The following FGD6 variants were observed in gnomAD, a reference collection of about 807,000 sequenced individuals.
The protein encoded by FGD6 is FYVE, RhoGEF and PH domain-containing protein 6.
Under a neutral mutation model 149.4 loss-of-function variants are expected in FGD6, and 90 were observed. The ratio of observed to expected loss-of-function variants is 0.60; its 90% CI spans 0.51 to 0.72. The LOEUF is 0.72. Among genes scored for constraint, FGD6 ranks in the 30% least tolerant of loss-of-function variants. The probability of loss-of-function intolerance (pLI) is 0.00; values close to 1 mark genes in which losing one functional copy is unlikely to be tolerated. For synonymous variants in FGD6, 527 were observed against 584.0 expected, an observed-to-expected ratio of 0.90 and a Z score of 1.41; for missense variants, 1,437 against 1,684.8, an observed-to-expected ratio of 0.85 and a Z score of 2.57.
chr12:95,114,453 C>CAA (rs1338395243), intron 8 of FGD6, among the ~76,000 whole-genome samples: 21 of 55,824 alleles, frequency 3.8e-4, no homozygotes, highest in Non-Finnish European at 8.4e-4. Context: ...TACACACACA[C>CAA]ACACACACAC....
chr12:95,115,719 T>C (rs544067676), intron 8 of FGD6, among the ~76,000 whole-genome samples: 14 of 152,172 alleles, frequency 9.2e-5, no homozygotes, highest in Non-Finnish European at 2.1e-4. Flanking sequence ...TAGATACAAC[T>C]TCATCTCATG....
intron 2 of FGD6, among the ~76,000 whole-genome samples, chr12:95,205,047 G>A (rs2056686464): frequency 6.6e-6 from 1 of 152,132 alleles, no homozygotes; most frequent in African/African-American, 2.4e-5. Context: ...GCAGGAGGAT[G>A]TCTTGAGACC....
Position 95,209,072 on chromosome 12 carries a change from T to C in FGD6, c.2212A>G (p.Lys738Glu). 1 of 1,614,152 alleles carries C rather than the reference T, an allele frequency of 6.2e-7. No individual in the cohort carries two copies. The highest frequency in any genetic ancestry group is 8.5e-7 in the Non-Finnish European group (1 of 1,180,026). ...SRESSSQAPY[K>E]SVTSLCAPEY... ...GGTGCACAGAGGCTTGTAACAGACT[T>C]GTAAGGTGCCTGAGATGATGACTCC... Residue 738 changes from lysine (K) to glutamate (E), a missense_variant, in exon 2 of 21, where the codon AAG (lysine) becomes GAG (glutamate). Lys to Glu is a moderately conservative substitution (Grantham distance 56). Coordinates refer to ENST00000343958, the MANE Select transcript of FGD6 (RefSeq NM_018351.4).
chr12:95,092,091 C>T (rs1281640934), intron 16 of FGD6, among the ~76,000 whole-genome samples: 4 of 152,262 alleles, frequency 2.6e-5, no homozygotes, highest in African/African-American at 4.8e-5. Context: ...TGCTTAGAAC[C>T]GTACCTGGCA....
chr12:95,109,958 G>A (rs1354774672), intron 9 of FGD6, among the ~76,000 whole-genome samples: 1 of 151,678 alleles, frequency 6.6e-6, no homozygotes, highest in East Asian at 1.9e-4. Flanking sequence ...TCAAAGGACT[G>A]TCTTCCTGGT....
At chr12:95,142,693 G>T (rs1879887827) in intron 5 of FGD6, among the ~76,000 whole-genome samples, 1 of 152,164 alleles carries the variant, frequency 6.6e-6, no homozygotes, top group Non-Finnish European at 1.5e-5. Context: ...CTAGTTATGA[G>T]ACTTTAATTA....
At chr12:95,124,397 T>C (rs999599800) in intron 8 of FGD6, among the ~76,000 whole-genome samples, 2 of 152,188 alleles carry the variant, frequency 1.3e-5, no homozygotes, top group Admixed American at 1.3e-4. Context: ...TAAGCACATT[T>C]TATTACCTAA....
At position 95,164,162 on chromosome 12, in the gene FGD6, G is replaced by A. The variant is rs76877332; in HGVS notation, c.2586+8438C>T. Among the ~76,000 whole-genome samples, 552 of 151,000 alleles carry A rather than the reference G, an allele frequency of 3.7e-3. 1 individual carries two copies. Among genetic ancestry groups the A allele is most frequent in the African/African-American group, 0.012 (488 of 41,234 alleles). On this transcript the variant is annotated intron_variant, in intron 3 of 20. Transcript: ENST00000343958. ...AATAAGTCAAACAAATTCCAAAACA[G>A]AACCTTTGATCTGAAATCTAGTTTT...
At chr12:95,200,143 T>C (rs562004760) in intron 2 of FGD6, among the ~76,000 whole-genome samples, 1 of 152,122 alleles carries the variant, frequency 6.6e-6, no homozygotes, top group Non-Finnish European at 1.5e-5. Context: ...GATACTAACA[T>C]ATGCCAAAGT....
intron 1 of FGD6, 146 bp from the exon 2 acceptor site, chr12:95,211,413 C>T (rs2056726888): frequency 1.1e-6 from 1 of 929,906 alleles, no homozygotes. Context: ...AATATTACTC[C>T]TGAAAATTCC....
rs968207222 is a variant in FGD6, at chr12:95,119,670, C to T, written c.3083-5969G>A. 7.2e-5 allele frequency among the ~76,000 whole-genome samples: 11 copies of T among 152,224 alleles called. 1 individual carries two copies. Among genetic ancestry groups the T allele is most frequent in the Admixed American group, 2.6e-4 (4 of 15,288 alleles). ...CTGTCGGCTGGTGTGGTGGCTTACA[C>T]CTGTAATCTCAGAACTTTGGGAGGC... On this transcript the variant is annotated intron_variant, in intron 8 of 20. Transcript: ENST00000343958.
intron 2 of FGD6, 113 bp from the exon 3 acceptor site, chr12:95,172,857 A>G (rs1881034672): frequency 4.8e-6 from 4 of 835,934 alleles, no homozygotes; most frequent in Non-Finnish European, 6.7e-6. Context: ...TATCTAAGGG[A>G]TGTGGAAGAA....
intron 5 of FGD6, among the ~76,000 whole-genome samples, chr12:95,150,594 T>C (rs1003698432): frequency 2.0e-5 from 3 of 152,072 alleles, no homozygotes; most frequent in African/African-American, 4.8e-5. Context: ...CTCAATAAAT[T>C]TGTTAGGGTG....
chr12:95,155,281 C>G (rs1353365098), intron 3 of FGD6, among the ~76,000 whole-genome samples: 2 of 152,194 alleles, frequency 1.3e-5, no homozygotes, highest in African/African-American at 4.8e-5. Context: ...AATTCCAGCA[C>G]TTTGGCAGGC....
At chr12:95,086,993 G>A (rs937078573) in intron 18 of FGD6, among the ~76,000 whole-genome samples, 2 of 151,486 alleles carry the variant, frequency 1.3e-5, no homozygotes, top group Admixed American at 1.3e-4. Flanking sequence ...GATTACAGGC[G>A]TGCACCACCA....
chr12:95,138,460 C>T (rs1219933866), intron 6 of FGD6, among the ~76,000 whole-genome samples: 1 of 148,226 alleles, frequency 6.7e-6, no homozygotes, highest in African/African-American at 2.5e-5. Flanking sequence ...AGGAGAATCG[C>T]TTGAACCCGG....
rs199618758 is a variant in FGD6 at position 95,209,321 on chromosome 12, C to T, written c.1963G>A (p.Gly655Arg). ...QKFWSKSSQL[G>R]DTTTGHLSSG... ...GAGAGGTGGCCTGTGGTGGTGTCTCCGAGTTGGCTACTCTTGGACCAAAAT... is the reference window on the plus strand; with the variant it reads ...GAGAGGTGGCCTGTGGTGGTGTCTCTGAGTTGGCTACTCTTGGACCAAAAT... Residue 655 changes from glycine to arginine, a missense_variant, in exon 2 of 21, where the codon GGA (glycine) becomes AGA (arginine). By Grantham distance (125) the Gly-to-Arg change is moderately radical. Coordinates refer to ENST00000343958, the MANE Select transcript of FGD6 (RefSeq NM_018351.4). 139 of 1,613,384 alleles carry T rather than the reference C, an allele frequency of 8.6e-5. No homozygotes were observed. The highest frequency in any genetic ancestry group is 1.2e-4 in the Admixed American group (7 of 59,912).
At chr12:95,155,256 C>G (rs1880431604) in intron 3 of FGD6, among the ~76,000 whole-genome samples, 1 of 152,144 alleles carries the variant, frequency 6.6e-6, no homozygotes. Context: ...GCCGGGCGCA[C>G]TGGCTCACAC....
chr12:95,121,466 T>G (rs57260908), intron 8 of FGD6, among the ~76,000 whole-genome samples: 8 of 45,922 alleles, frequency 1.7e-4, no homozygotes, highest in African/African-American at 2.8e-4. Flanking sequence ...AAAAAAAAGA[T>G]ATATATATAT....
Sources: allele counts gnomAD v4.1 joint callset (sites outside exome capture counted in the v4.1 genomes callset), GRCh38; gene constraint gnomAD v4.1.1; transcripts MANE v1.5; gene names NCBI Gene and HGNC (gene_info 2026-07-23, HGNC 2026-07-21).